PVT1: variants seen among roughly 807,000 people sequenced by gnomAD.
PVT1 encodes Pvt1 oncogene.
intron 4 of PVT1, among the ~76,000 whole-genome samples, chr8:128,017,608 T>A (rs1241078977): frequency 4.0e-5 from 6 of 151,626 alleles, no homozygotes; most frequent in South Asian, 4.2e-4. Context: ...TTTTTTTTTT[T>A]TAATTTTTTT....
intron 2 of PVT1, among the ~76,000 whole-genome samples, chr8:127,859,839 C>G (rs911372514): frequency 6.6e-6 from 1 of 151,902 alleles, no homozygotes; most frequent in Admixed American, 6.6e-5. Context: ...GCAGGAGATT[C>G]TCATGCACGG....
chr8:127,906,431 TA>T (rs1414550885), intron 3 of PVT1, among the ~76,000 whole-genome samples: 1 of 152,212 alleles, frequency 6.6e-6, no homozygotes, highest in African/African-American at 2.4e-5. Context: ...ACCAGCATTT[TA>T]CATCTTCCTG....
chr8:128,080,758 G>T (rs568100031), intron 5 of PVT1, among the ~76,000 whole-genome samples: 1 of 152,072 alleles, frequency 6.6e-6, no homozygotes, highest in Non-Finnish European at 1.5e-5. Context: ...TTGTGGCTTT[G>T]GTGTTGTATC....
intron 3 of PVT1, among the ~76,000 whole-genome samples, chr8:127,946,265 C>A (rs1016392964): frequency 2.0e-5 from 3 of 152,190 alleles, no homozygotes; most frequent in Non-Finnish European, 4.4e-5. Context: ...ATCAGACACT[C>A]TTAGGTGCTA....
intron 3 of PVT1, among the ~76,000 whole-genome samples, chr8:127,897,505 AG>A (rs1815694524): frequency 6.6e-6 from 1 of 151,212 alleles, no homozygotes; most frequent in Non-Finnish European, 1.5e-5. Flanking sequence ...AAAGGAAGGA[AG>A]GAAGGAAGGA....
chr8:127,828,163 G>A (rs940539663), intron 2 of PVT1, among the ~76,000 whole-genome samples: 2 of 152,142 alleles, frequency 1.3e-5, no homozygotes, highest in African/African-American at 4.8e-5. Context: ...GGTTACACCT[G>A]GGTACATTTC....
chr8:127,976,702 T>A (rs1194562557), intron 3 of PVT1, among the ~76,000 whole-genome samples: 2 of 152,168 alleles, frequency 1.3e-5, no homozygotes, highest in African/African-American at 4.8e-5. Context: ...GGGCTCTGTA[T>A]CCTTATCCCC....
At chr8:128,044,011 A>ATTTTTTTTTTTTTTT (rs66807418) in intron 4 of PVT1, among the ~76,000 whole-genome samples, 1 of 97,916 alleles carries the variant, frequency 1.0e-5, no homozygotes, top group African/African-American at 3.4e-5. Context: ...ATTATTATTT[A>ATTTTTTTTTTTTTTT]TTTATTTTTT....
intron 3 of PVT1, among the ~76,000 whole-genome samples, chr8:127,896,780 C>CCCCCCCCCCCCA: frequency 7.1e-6 from 1 of 141,102 alleles, no homozygotes; most frequent in Non-Finnish European, 1.5e-5. Flanking sequence ...TTCCTCCCCC[C>CCCCCCCCCCCCA]CCCCGCCCCC....
chr8:127,895,278 C>T (rs1176591068), intron 3 of PVT1, among the ~76,000 whole-genome samples: 2 of 152,110 alleles, frequency 1.3e-5, no homozygotes, highest in Non-Finnish European at 2.9e-5. Context: ...CAAGACCAGC[C>T]TAACCAACAT....
At chr8:127,845,083 G>C (rs115355993) in intron 2 of PVT1, among the ~76,000 whole-genome samples, 6,643 of 152,236 alleles carry the variant, frequency 0.044, 521 homozygotes, top group African/African-American at 0.15. Context: ...TTATGTGTGG[G>C]GGGTGTTGGT....
Position 128,041,667 on chromosome 8 carries a change from C to T in PVT1, n.913-28493C>T, listed in dbSNP as rs181444839. ...TGAATGTGTGTGTATTTTGTGAGTG[C>T]GTGTTGTTCGTGTGTGTTTGTGTGT... On this transcript the variant is annotated intron_variant and non_coding_transcript_variant, in intron 4 of 10. Coordinates refer to ENST00000651587, the Ensembl canonical transcript of PVT1. Among the ~76,000 whole-genome samples, 250 of 145,654 alleles carry T rather than the reference C, an allele frequency of 1.7e-3. 1 individual carries two copies. Among genetic ancestry groups the T allele is most frequent in the Middle Eastern group, 8.1e-3 (2 of 248 alleles).
intron 2 of PVT1, among the ~76,000 whole-genome samples, chr8:127,836,830 G>C (rs1814914677): frequency 6.6e-6 from 1 of 152,130 alleles, no homozygotes; most frequent in African/African-American, 2.4e-5. Flanking sequence ...TGGCTTCAGA[G>C]TCCACACGCT....
At chr8:128,073,808 T>C (rs1323898222) in intron 5 of PVT1, among the ~76,000 whole-genome samples, 1 of 151,896 alleles carries the variant, frequency 6.6e-6, no homozygotes, top group Non-Finnish European at 1.5e-5. Context: ...TTTTCTTTTT[T>C]TTTTTTTTTA....
At chr8:128,087,201 G>A (rs1814269382) in intron 5 of PVT1, among the ~76,000 whole-genome samples, 1 of 152,176 alleles carries the variant, frequency 6.6e-6, no homozygotes, top group Admixed American at 6.5e-5. Flanking sequence ...TGGTTCCACA[G>A]CTCAGATGTG....
At chr8:127,980,025 C>T (rs1816865392) in intron 3 of PVT1, among the ~76,000 whole-genome samples, 1 of 144,778 alleles carries the variant, frequency 6.9e-6, no homozygotes, top group Non-Finnish European at 1.6e-5. Flanking sequence ...ACCTACAGGT[C>T]CATACCACAG....
intron 4 of PVT1, among the ~76,000 whole-genome samples, chr8:128,054,715 G>C (rs984424986): frequency 1.3e-5 from 2 of 152,166 alleles, no homozygotes; most frequent in Non-Finnish European, 2.9e-5. Flanking sequence ...TTTGCTGCTT[G>C]TGTGAATCAT....
At chr8:128,038,262 T>G (rs1315037316) in intron 4 of PVT1, among the ~76,000 whole-genome samples, 1 of 152,158 alleles carries the variant, frequency 6.6e-6, no homozygotes, top group East Asian at 1.9e-4. Context: ...TGATGGAAGG[T>G]TTCTTTGAGC....
intron 4 of PVT1, among the ~76,000 whole-genome samples, chr8:128,062,188 G>A (rs1416266769): frequency 5.3e-5 from 8 of 152,198 alleles, no homozygotes; most frequent in East Asian, 1.9e-4. Context: ...TGCCCCCTGC[G>A]GTGCAGGGGG....
Sources: gnomAD v4.1 joint callset for allele counts (sites outside exome capture counted in the v4.1 genomes callset) on GRCh38, gnomAD v4.1.1 for gene constraint, MANE v1.5 for transcripts, NCBI Gene and HGNC (gene_info 2026-07-23, HGNC 2026-07-21) for gene names.